Variants in ENTREP2 observed in about 807,000 individuals in gnomAD.
ENTREP2 encodes endosomal transmembrane epsin interactor 2.
chr15:29,371,028 G>GTCATCA, the ENTREP2 span, among the ~76,000 whole-genome samples: 12 of 151,732 alleles, frequency 7.9e-5, no homozygotes, highest in Admixed American at 1.3e-4. Context: ...TACTGTCGTT[G>GTCATCA]TCATCATCAT....
At chr15:29,269,250 G>GT in the ENTREP2 span, 29 of 1,614,068 alleles carry the variant, frequency 1.8e-5, no homozygotes, top group Non-Finnish European at 2.2e-5. Flanking sequence ...TGATGAGGAT[G>GT]TAAGTGTTGC....
At chr15:29,252,626 T>C in the ENTREP2 span, 1 of 515,886 alleles carries the variant, frequency 1.9e-6, no homozygotes, top group Non-Finnish European at 3.5e-6. Context: ...AGGAAAGTGG[T>C]AGGTTATTTC....
the ENTREP2 span, among the ~76,000 whole-genome samples, chr15:29,440,554 C>A: frequency 6.6e-6 from 1 of 152,138 alleles, no homozygotes; most frequent in African/African-American, 2.4e-5. Flanking sequence ...TGGAGAAAAC[C>A]GCAATTAATG....
chr15:29,352,020 G>C, the ENTREP2 span, among the ~76,000 whole-genome samples: 1 of 151,412 alleles, frequency 6.6e-6, no homozygotes, highest in East Asian at 1.9e-4. Context: ...CTATAACCTT[G>C]AACTCCTGGA....
chr15:29,547,803 G>C, the ENTREP2 span, among the ~76,000 whole-genome samples: 1 of 152,166 alleles, frequency 6.6e-6, no homozygotes, highest in Non-Finnish European at 1.5e-5. Context: ...GTTCATAGCA[G>C]CACTATTCAC....
chr15:29,600,046 G>A, the ENTREP2 span, among the ~76,000 whole-genome samples: 1 of 152,162 alleles, frequency 6.6e-6, no homozygotes, highest in Non-Finnish European at 1.5e-5. Context: ...CACCTGAGAG[G>A]CGATGTTTCA....
At chr15:29,221,818 G>A in the ENTREP2 span, among the ~76,000 whole-genome samples, 6 of 152,220 alleles carry the variant, frequency 3.9e-5, no homozygotes, top group East Asian at 1.2e-3. Context: ...AACACTGCAC[G>A]ATTTTCCACC....
the ENTREP2 span, among the ~76,000 whole-genome samples, chr15:29,321,652 AAAAAAAAAAAG>A: frequency 2.6e-5 from 4 of 151,682 alleles, no homozygotes; most frequent in East Asian, 7.7e-4. Context: ...TCTGTCTCAA[AAAAAAAAAAAG>A]AAAAAAAAAA....
At chr15:29,453,556 C>A in the ENTREP2 span, among the ~76,000 whole-genome samples, 1 of 152,242 alleles carries the variant, frequency 6.6e-6, no homozygotes, top group African/African-American at 2.4e-5. Flanking sequence ...GTGCCCTGGG[C>A]TGGGCTGCAC....
the ENTREP2 span, among the ~76,000 whole-genome samples, chr15:29,160,821 T>C: frequency 3.9e-5 from 6 of 152,190 alleles, no homozygotes; most frequent in East Asian, 1.2e-3. Context: ...GTAGTTTTTT[T>C]CCTATGTCTT....
At chr15:29,160,442 T>C in the ENTREP2 span, among the ~76,000 whole-genome samples, 12 of 152,030 alleles carry the variant, frequency 7.9e-5, no homozygotes, top group African/African-American at 2.9e-4. Context: ...CACCTCTCAG[T>C]AGCTCACACC....
At chr15:29,662,546 C>T in the ENTREP2 span, among the ~76,000 whole-genome samples, 1 of 152,082 alleles carries the variant, frequency 6.6e-6, no homozygotes, top group East Asian at 1.9e-4. Context: ...TAGTGCATTA[C>T]ACCCTGCAAC....
At chr15:29,482,865 G>A in the ENTREP2 span, among the ~76,000 whole-genome samples, 29 of 152,322 alleles carry the variant, frequency 1.9e-4, no homozygotes, top group African/African-American at 7.0e-4. Context: ...CAAGGAGTAT[G>A]ACTGTAGGCT....
the ENTREP2 span, among the ~76,000 whole-genome samples, chr15:29,318,122 G>A: frequency 6.6e-6 from 1 of 152,116 alleles, no homozygotes; most frequent in African/African-American, 2.4e-5. Context: ...AGTAATTGCA[G>A]GCAGGCCGTG....
the ENTREP2 span, among the ~76,000 whole-genome samples, chr15:29,214,941 T>G: frequency 2.6e-5 from 4 of 152,304 alleles, no homozygotes; most frequent in East Asian, 7.7e-4. Flanking sequence ...TCTGCATATA[T>G]TTGTTAAGTC....
At chr15:29,160,050 G>A in the ENTREP2 span, among the ~76,000 whole-genome samples, 5 of 152,360 alleles carry the variant, frequency 3.3e-5, no homozygotes, top group African/African-American at 4.8e-5. Context: ...TAGGCTGCAG[G>A]TCCTGAGCCT....
At chr15:29,653,186 G>C in the ENTREP2 span, among the ~76,000 whole-genome samples, 1 of 152,168 alleles carries the variant, frequency 6.6e-6, no homozygotes, top group Non-Finnish European at 1.5e-5. Context: ...GAAGAAAACT[G>C]TCTGAAGGTT....
the ENTREP2 span, among the ~76,000 whole-genome samples, chr15:29,399,459 G>A: frequency 6.6e-5 from 10 of 152,254 alleles, no homozygotes; most frequent in Non-Finnish European, 1.0e-4. Context: ...ATTACTATTT[G>A]AAAATAAAGT....
chr15:29,577,023 G>A, the ENTREP2 span, among the ~76,000 whole-genome samples: 1 of 151,902 alleles, frequency 6.6e-6, no homozygotes, highest in East Asian at 1.9e-4. Flanking sequence ...TAGCCAGGAT[G>A]GTCTCGATCT....
Sources: allele counts gnomAD v4.1 joint callset (sites outside exome capture counted in the v4.1 genomes callset), GRCh38; gene constraint gnomAD v4.1.1; transcripts MANE v1.5; gene names NCBI Gene and HGNC (gene_info 2026-07-23, HGNC 2026-07-21).